Variants in SULT1B1 observed in about 807,000 individuals in gnomAD.
SULT1B1 encodes sulfotransferase 1B1.
Under a neutral mutation model 34.6 loss-of-function variants are expected in SULT1B1, and 28 were observed. The ratio of observed to expected loss-of-function variants is 0.81; its 90% CI spans 0.60 to 1.11. The LOEUF (loss-of-function observed/expected upper bound fraction) is 1.11. Ranked by LOEUF, SULT1B1 falls within the 50% of genes least tolerant of loss-of-function variation. The probability of loss-of-function intolerance (pLI) is 0.00; values close to 1 mark genes in which losing one functional copy is unlikely to be tolerated. For missense variants in SULT1B1, 374 were observed against 352.2 expected (o/e 1.06, Z -0.50); for synonymous variants, 147 against 110.2 (o/e 1.33, Z -2.09).
chr4:69,731,574 A>G (rs554009935), intron 6 of SULT1B1, among the ~76,000 whole-genome samples: 2 of 152,312 alleles, frequency 1.3e-5, no homozygotes, highest in South Asian at 4.1e-4. Context: ...ACTCATAAAC[A>G]TGTTGTAAAT....
chr4:69,749,913 CATTATGTAATGCAG>C, intron 3 of SULT1B1, 95 bp from the exon 4 acceptor site: 2 of 850,936 alleles, frequency 2.4e-6, no homozygotes, highest in Non-Finnish European at 4.0e-6. Flanking sequence ...CATTTTTGAG[CATTATGTAATGCAG>C]ATAAATTCTG....
chr4:69,722,147 C>A lies in SULT1B1; in HGVS notation c.*4941G>T, dbSNP rs557867448. On this transcript the variant is annotated 3_prime_UTR_variant, in exon 8 of 8. Coordinates refer to ENST00000310613, the MANE Select transcript of SULT1B1 (RefSeq NM_014465.4). ...ACCTATTTAAAAAGTAAAGGAAAAT[C>A]TAAATTCTATTTTTATCTCCACTCT... The A allele has an allele frequency of 2.0e-5, 3 of 152,138 alleles. No homozygotes were observed. Among genetic ancestry groups the A allele is most frequent in the African/African-American group, 7.2e-5 (3 of 41,542 alleles). The allele number at this position is 152,138 out of a possible 1,614,324, so 9.4% of individuals were successfully genotyped here.
At chr4:69,749,040 TAAAC>T (rs1718866110) in intron 4 of SULT1B1, among the ~76,000 whole-genome samples, 1 of 151,680 alleles carries the variant, frequency 6.6e-6, no homozygotes, top group South Asian at 2.1e-4. Flanking sequence ...TAAAAACAGA[TAAAC>T]AACAGAAATA....
intron 1 of SULT1B1, among the ~76,000 whole-genome samples, chr4:69,758,067 C>G (rs1255208407): frequency 6.6e-6 from 1 of 152,120 alleles, no homozygotes; most frequent in Non-Finnish European, 1.5e-5. Flanking sequence ...GTCAGGTAGT[C>G]TTTGCAATAC....
chr4:69,732,220 A>AT (rs1718106386), intron 6 of SULT1B1, among the ~76,000 whole-genome samples: 1 of 152,234 alleles, frequency 6.6e-6, no homozygotes, highest in South Asian at 2.1e-4. Context: ...ATGATAAGAC[A>AT]TAGATCACAG....
At chr4:69,759,464 T>C (rs1371531028) in intron 1 of SULT1B1, among the ~76,000 whole-genome samples, 1 of 152,136 alleles carries the variant, frequency 6.6e-6, no homozygotes, top group Non-Finnish European at 1.5e-5. Flanking sequence ...CGGAGAAGGA[T>C]GGAATGAGTA....
intron 1 of SULT1B1, chr4:69,758,274 T>C: frequency 1.0e-6 from 1 of 981,912 alleles, no homozygotes; most frequent in Non-Finnish European, 1.2e-6. Flanking sequence ...AATGAAGAAA[T>C]GAATGAATGA....
At position 69,755,202 on chromosome 4, in the gene SULT1B1, C is replaced by T. The variant is rs1178898845; in HGVS notation, c.16G>A (p.Asp6Asn). 1.2e-6 allele frequency: 2 copies of T among 1,613,320 alleles called. No homozygotes were observed. Among genetic ancestry groups the T allele is most frequent in the African/African-American group, 2.7e-5 (2 of 74,920 alleles). MLSPKDILRKDLKLVH... is the reference protein window; with the variant it reads MLSPKNILRKDLKLVH... ...AACTTCAGATCTTTTCGCAGAATAT[C>T]TTTTGGGGAAAGCATTTTAATACCA... The change falls in exon 2 of 8, where the codon GAT becomes AAT. Residue 6 changes from aspartate to asparagine, a missense_variant. Asp to Asn is a conservative substitution (Grantham distance 23). Transcript: ENST00000310613.
intron 4 of SULT1B1, among the ~76,000 whole-genome samples, chr4:69,737,753 G>A (rs1718374345): frequency 1.3e-5 from 2 of 152,042 alleles, no homozygotes; most frequent in African/African-American, 2.4e-5. Context: ...ACTCCAAAAT[G>A]TTTAGGTACA....
chr4:69,753,230 G>A (rs1030807051), intron 3 of SULT1B1, among the ~76,000 whole-genome samples: 9 of 152,000 alleles, frequency 5.9e-5, no homozygotes, highest in Non-Finnish European at 1.3e-4. Context: ...CCTTGCAAGC[G>A]AATGGTTCCA....
chr4:69,743,469 A>G (rs1268924674), intron 4 of SULT1B1, among the ~76,000 whole-genome samples: 13 of 152,090 alleles, frequency 8.5e-5, no homozygotes, highest in African/African-American at 1.7e-4. Context: ...ACAAGTTCCC[A>G]TTCTGGTCCA....
In SULT1B1 at chr4:69,725,956, G is replaced by A. The variant is rs1717820542; in HGVS notation, c.*1132C>T. The A allele has an allele frequency of 7.0e-6, 1 of 142,876 alleles. No homozygotes were observed. The highest frequency in any genetic ancestry group is 1.5e-5 in the Non-Finnish European group (1 of 66,012). 8.9% of individuals were successfully genotyped at this position (142,876 alleles called of 1,614,324 possible). A position where few individuals can be genotyped will look rare whatever the true frequency, so the allele number is the denominator to read the frequency against. On this transcript the variant is annotated 3_prime_UTR_variant, in exon 8 of 8. Transcript: ENST00000310613. ...TTAATGGATGCAGCACACCAACATG[G>A]CACATGTATGCATATATAACAAACC...
Position 69,727,170 on chromosome 4 carries a change from G to T in SULT1B1, c.809C>A (p.Thr270Asn), listed in dbSNP as rs749342294. ...GTAGDWKNYFTVAQNEKFDAI... is the reference protein window; with the variant it reads ...GTAGDWKNYFNVAQNEKFDAI... ...ATCAAATTTCTCATTTTGGGCCACG[G>T]TGAAGTAATTCTTCCAGTCACCAGC... is the stretch of plus-strand genomic sequence containing the variant. The change falls in exon 8 of 8, where the codon ACC (threonine) becomes AAC (asparagine). Residue 270 changes from threonine (T) to asparagine (N), a missense_variant. By Grantham distance (65) the Thr-to-Asn change is moderately conservative. Coordinates refer to ENST00000310613, the MANE Select transcript of SULT1B1 (RefSeq NM_014465.4). 4.3e-6 allele frequency: 7 copies of T among 1,611,032 alleles called. No individual in the cohort carries two copies. The South Asian group carries it at 6.6e-5, about 15-fold the overall frequency.
rs186651584 is a variant in SULT1B1 at position 69,726,957 on chromosome 4, G to T, written c.*131C>A. 1.7e-6 allele frequency: 1 copy of T among 578,234 alleles called. No individual in the cohort carries two copies. Among genetic ancestry groups the T allele is most frequent in the African/African-American group, 2.0e-5 (1 of 51,170 alleles). 35.8% of individuals were successfully genotyped at this position (578,234 alleles called of 1,614,324 possible). A position where few individuals can be genotyped will look rare whatever the true frequency, so the allele number is the denominator to read the frequency against. Reference sequence around the variant, plus strand: ...GGGATCTGATTAATAACATTGAAAAGAATCAACATATTAAAAGCATATTAT... The same window carrying T: ...GGGATCTGATTAATAACATTGAAAATAATCAACATATTAAAAGCATATTAT... On this transcript the variant is annotated 3_prime_UTR_variant, in exon 8 of 8. Transcript: ENST00000310613.
rs772123365 is a variant in SULT1B1, at chr4:69,733,510, A to T, written c.503-3T>A. Reference sequence around the variant, plus strand: ...AGTAAACCAGGAACCATAGGCCACTAAAACCAGATAAAAGTCTATTTTCAT... The same window carrying T: ...AGTAAACCAGGAACCATAGGCCACTTAAACCAGATAAAAGTCTATTTTCAT... On this transcript the variant is annotated splice_polypyrimidine_tract_variant and splice_region_variant and intron_variant, in intron 5 of 7. Coordinates refer to ENST00000310613, the MANE Select transcript of SULT1B1 (RefSeq NM_014465.4). 9 of 1,576,162 alleles carry T rather than the reference A, an allele frequency of 5.7e-6. No individual in the cohort carries two copies. The Admixed American group carries it at 1.7e-4, about 29-fold the overall frequency.
Position 69,755,150 on chromosome 4 carries a change from G to T in SULT1B1, c.68C>A (p.Ala23Asp). 1.2e-6 allele frequency: 2 copies of T among 1,613,950 alleles called. No individual in the cohort carries two copies. The highest frequency in any genetic ancestry group is 1.7e-6 in the Non-Finnish European group (2 of 1,179,840). ...KLVHGYPMTCAFASNWEKIEQ... is the reference protein window; with the variant it reads ...KLVHGYPMTCDFASNWEKIEQ... ...AATTTTTTCCCAGTTGCTTGCAAAA[G>T]CACAGGTCATGGGATAACCATGGAC... The change falls in exon 2 of 8, where the codon GCT becomes GAT. Residue 23 changes from alanine to aspartate, a missense_variant. Coordinates refer to ENST00000310613, the MANE Select transcript of SULT1B1 (RefSeq NM_014465.4).
chr4:69,734,028 T>C, intron 5 of SULT1B1, 110 bp downstream of exon 5: 4 of 947,990 alleles, frequency 4.2e-6, no homozygotes, highest in African/African-American at 1.7e-5. Context: ...TATTTGAACA[T>C]ACTTTTCACT....
Position 69,725,387 on chromosome 4 carries a change from A to T in SULT1B1, c.*1701T>A, listed in dbSNP as rs1717795300. 1 of 152,140 alleles carries T rather than the reference A, an allele frequency of 6.6e-6. No homozygotes were observed. The highest frequency in any genetic ancestry group is 6.6e-5 in the Admixed American group (1 of 15,260). The allele number at this position is 152,140 out of a possible 1,614,324, so 9.4% of individuals were successfully genotyped here. On this transcript the variant is annotated 3_prime_UTR_variant, in exon 8 of 8. Coordinates refer to ENST00000310613, the MANE Select transcript of SULT1B1 (RefSeq NM_014465.4). ...CAGGAAACAACAGGTGCTGGAAAGG[A>T]TGTGGAGAAATAGGAACACTTTTAC...
intron 4 of SULT1B1, among the ~76,000 whole-genome samples, chr4:69,737,869 A>T (rs974460222): frequency 2.0e-5 from 3 of 152,148 alleles, no homozygotes; most frequent in African/African-American, 7.2e-5. Flanking sequence ...TTTATTTATA[A>T]TTTTTAACTT....
Sources: allele counts gnomAD v4.1 joint callset (sites outside exome capture counted in the v4.1 genomes callset), GRCh38; gene constraint gnomAD v4.1.1; transcripts MANE v1.5; gene names NCBI Gene and HGNC (gene_info 2026-07-23, HGNC 2026-07-21).